Variants in SCOC observed in about 807,000 individuals in gnomAD.
SCOC encodes short coiled-coil protein, also known as short coiled coil protein.
SCOC carries 7 observed loss-of-function variants against 9.9 expected under a neutral mutation model. The ratio of observed to expected loss-of-function variants is 0.71; its 90% CI spans 0.40 to 1.33. The LOEUF is 1.33. SCOC is among the 40% of genes most tolerant of loss of function. The pLI is 0.01. For missense variants in SCOC, 66 were observed against 89.7 expected (o/e 0.74, Z 1.07); for synonymous variants, 19 against 28.2 (o/e 0.67, Z 1.03).
At chr4:140,373,344 G>T, upstream of SCOC, 1 of 1,421,148 alleles carries the variant, frequency 7.0e-7, no homozygotes, top group Middle Eastern at 2.5e-4. Flanking sequence ...CCAATTCTCA[G>T]GTTTCCTGAT....
chr4:140,303,176 C>A lies in SCOC; in HGVS notation c.-18-40445C>A, dbSNP rs570378627. On this transcript the variant is annotated intron_variant, in intron 1 of 4. Coordinates refer to the SCOC transcript ENST00000394205. ...TTTCTTTAGGGGGTTATGCAAAGAG[C>A]CTTTATCTTGATAGTTACACCCAGC... Among the ~76,000 whole-genome samples the A allele has an allele frequency of 3.3e-5, 5 of 152,230 alleles. No individual in the cohort carries two copies. The East Asian group carries it at 5.8e-4, about 18-fold the overall frequency.
chr4:140,270,918 A>G (rs1730830130), intron 1 of SCOC, among the ~76,000 whole-genome samples: 1 of 152,182 alleles, frequency 6.6e-6, no homozygotes, highest in Admixed American at 6.5e-5. Context: ...AGTAAGTCAT[A>G]TCTTCACCAA....
chr4:140,366,768 A>G, intron 2 of SCOC: 1 of 1,453,284 alleles, frequency 6.9e-7, no homozygotes. Flanking sequence ...TGTTTTGATC[A>G]ATAACATCTA....
intron 2 of SCOC, among the ~76,000 whole-genome samples, chr4:140,362,315 TGTGA>T: frequency 1.2e-5 from 1 of 82,170 alleles, no homozygotes; most frequent in South Asian, 4.5e-4. Context: ...TTTTTTTTTT[TGTGA>T]GAGTCTCGCT....
chr4:140,310,442 A>G (rs1292020129), intron 1 of SCOC, among the ~76,000 whole-genome samples: 1 of 152,194 alleles, frequency 6.6e-6, no homozygotes, highest in Non-Finnish European at 1.5e-5. Context: ...GGTTCTGGTC[A>G]AATCTTAAAT....
At chr4:140,356,550 T>G (rs1727237883) in intron 2 of SCOC, among the ~76,000 whole-genome samples, 1 of 152,246 alleles carries the variant, frequency 6.6e-6, no homozygotes, top group Non-Finnish European at 1.5e-5. Context: ...TACTTGACTT[T>G]CATAACTTTA....
At chr4:140,355,556 A>G (rs1219923361) in intron 2 of SCOC, among the ~76,000 whole-genome samples, 1 of 152,118 alleles carries the variant, frequency 6.6e-6, no homozygotes, top group Non-Finnish European at 1.5e-5. Context: ...TAGTAGATAG[A>G]TAGCATTTCT....
chr4:140,266,143 C>G (rs1730724565), intron 1 of SCOC, among the ~76,000 whole-genome samples: 1 of 152,128 alleles, frequency 6.6e-6, no homozygotes, highest in Non-Finnish European at 1.5e-5. Context: ...TACTCCCTGA[C>G]ATGGCCAAAG....
intron 1 of SCOC, among the ~76,000 whole-genome samples, chr4:140,308,589 G>A (rs570025589): frequency 1.3e-5 from 2 of 152,268 alleles, no homozygotes; most frequent in South Asian, 2.1e-4. Context: ...CCCGTGTGTC[G>A]ATTCTTGGAG....
intron 1 of SCOC, among the ~76,000 whole-genome samples, chr4:140,308,278 C>T (rs768326422): frequency 9.9e-5 from 15 of 152,170 alleles, no homozygotes; most frequent in East Asian, 3.8e-4. Context: ...TCCAAGTCAG[C>T]GTTTGCCTTT....
chr4:140,309,995 C>A (rs1188023117), intron 1 of SCOC, among the ~76,000 whole-genome samples: 2 of 152,116 alleles, frequency 1.3e-5, no homozygotes, highest in East Asian at 3.9e-4. Flanking sequence ...ATCAAGTAAA[C>A]CTCTCTTTAC....
At chr4:140,302,232 T>C (rs757088963) in intron 1 of SCOC, among the ~76,000 whole-genome samples, 4 of 152,118 alleles carry the variant, frequency 2.6e-5, no homozygotes, top group African/African-American at 7.2e-5. Flanking sequence ...TTTTTTCAGA[T>C]TATAAAACTG....
upstream of SCOC, among the ~76,000 whole-genome samples, chr4:140,370,179 C>T (rs1473250375): frequency 6.6e-6 from 1 of 152,042 alleles, no homozygotes; most frequent in Non-Finnish European, 1.5e-5. Flanking sequence ...TTACAAATAT[C>T]TTTCTGTTAC....
intron 1 of SCOC, among the ~76,000 whole-genome samples, chr4:140,325,252 A>C (rs1318809695): frequency 6.6e-6 from 1 of 152,180 alleles, no homozygotes; most frequent in African/African-American, 2.4e-5. Flanking sequence ...TGGGTTTGGC[A>C]ATGGGTTGTT....
intron 1 of SCOC, among the ~76,000 whole-genome samples, chr4:140,286,538 C>T (rs893437517): frequency 3.7e-4 from 56 of 152,192 alleles, no homozygotes; most frequent in African/African-American, 1.3e-3. Flanking sequence ...CGATGTAACA[C>T]GGAATTAGAG....
chr4:140,313,384 T>G (rs922774523), intron 1 of SCOC, among the ~76,000 whole-genome samples: 1 of 152,216 alleles, frequency 6.6e-6, no homozygotes, highest in African/African-American at 2.4e-5. Flanking sequence ...CCTGAGGAAC[T>G]GGGATCATAG....
At chr4:140,352,828 G>C (rs1175439495) in intron 2 of SCOC, among the ~76,000 whole-genome samples, 1 of 152,162 alleles carries the variant, frequency 6.6e-6, no homozygotes, top group Non-Finnish European at 1.5e-5. Context: ...AAAAAAGGGA[G>C]GGGGGCATTA....
intron 1 of SCOC, chr4:140,376,898 T>C (rs1470826362): frequency 6.6e-6 from 1 of 152,220 alleles, no homozygotes; most frequent in Non-Finnish European, 1.5e-5. Context: ...AAATCAGCTG[T>C]GTCGATTTTC....
intron 2 of SCOC, among the ~76,000 whole-genome samples, chr4:140,349,846 C>G (rs973005386): frequency 6.6e-6 from 1 of 152,190 alleles, no homozygotes; most frequent in Non-Finnish European, 1.5e-5. Context: ...CCCTTCAAAT[C>G]TACCCTCCAC....
Sources: allele counts gnomAD v4.1 joint callset (sites outside exome capture counted in the v4.1 genomes callset), GRCh38; gene constraint gnomAD v4.1.1; transcripts MANE v1.5; gene names NCBI Gene and HGNC (gene_info 2026-07-23, HGNC 2026-07-21).